Variants in CSMD1 observed in about 807,000 individuals in gnomAD.
CSMD1 encodes CUB and sushi domain-containing protein 1.
In CSMD1, 213 loss-of-function variants were observed where a neutral mutation model predicts 417.5. That is an observed-to-expected ratio of 0.51 (90% CI 0.46 to 0.57). CSMD1 has a LOEUF of 0.57. CSMD1 is among the 20% of genes least tolerant of loss of function. The probability of loss-of-function intolerance (pLI) is 0.00; values close to 1 mark genes in which losing one functional copy is unlikely to be tolerated. For synonymous variants in CSMD1, 2,862 were observed against 1,736.8 expected (o/e 1.65, Z -16.11); for missense variants, 6,923 against 4,529.7 (o/e 1.53, Z -15.17).
chr8:3,239,158 G>C (rs539981913), intron 26 of CSMD1, among the ~76,000 whole-genome samples: 50 of 152,264 alleles, frequency 3.3e-4, no homozygotes, highest in African/African-American at 1.2e-3. Context: ...GCTGAGCTTG[G>C]TAAGGTTTTA....
intron 3 of CSMD1, among the ~76,000 whole-genome samples, chr8:4,275,282 G>T (rs925702943): frequency 2.0e-5 from 3 of 152,022 alleles, no homozygotes; most frequent in Non-Finnish European, 4.4e-5. Context: ...TCTCTTTTAT[G>T]TTTTATTAAG....
At chr8:4,299,970 T>TA (rs1797892399) in intron 3 of CSMD1, among the ~76,000 whole-genome samples, 2 of 152,286 alleles carry the variant, frequency 1.3e-5, no homozygotes, top group Non-Finnish European at 1.5e-5. Flanking sequence ...TTGTTGATAA[T>TA]AGCTATTAGA....
At chr8:4,427,169 G>A (rs1259738361) in intron 2 of CSMD1, among the ~76,000 whole-genome samples, 2 of 152,084 alleles carry the variant, frequency 1.3e-5, no homozygotes, top group African/African-American at 2.4e-5. Flanking sequence ...CTACACAATG[G>A]GTAAGTCCAG....
chr8:4,229,180 C>G (rs897226609), intron 3 of CSMD1, among the ~76,000 whole-genome samples: 1 of 152,206 alleles, frequency 6.6e-6, no homozygotes, highest in Non-Finnish European at 1.5e-5. Context: ...CCGGAGTCAA[C>G]TTGTATTCCT....
At chr8:3,990,947 G>C (rs974609742) in intron 5 of CSMD1, among the ~76,000 whole-genome samples, 3 of 152,288 alleles carry the variant, frequency 2.0e-5, no homozygotes, top group African/African-American at 4.8e-5. Flanking sequence ...ATCATCTCTA[G>C]ATGATGCTTT....
At chr8:3,758,342 A>G (rs1427207297) in intron 5 of CSMD1, among the ~76,000 whole-genome samples, 1 of 152,230 alleles carries the variant, frequency 6.6e-6, no homozygotes, top group South Asian at 2.1e-4. Context: ...TGAAGAAGCC[A>G]TTCAAATGAA....
intron 1 of CSMD1, among the ~76,000 whole-genome samples, chr8:4,936,840 A>G (rs1279257586): frequency 1.3e-5 from 2 of 152,222 alleles, no homozygotes; most frequent in Non-Finnish European, 2.9e-5. Flanking sequence ...AAATAAAAAT[A>G]ATACATAAAA....
At chr8:3,706,533 T>G (rs201834076) in intron 7 of CSMD1, among the ~76,000 whole-genome samples, 3 of 152,186 alleles carry the variant, frequency 2.0e-5, no homozygotes, top group South Asian at 2.1e-4. Context: ...AGAACGCTAA[T>G]ACCAAATGAG....
intron 7 of CSMD1, among the ~76,000 whole-genome samples, chr8:3,625,533 G>A (rs1024700992): frequency 1.3e-5 from 2 of 151,800 alleles, no homozygotes; most frequent in Non-Finnish European, 2.9e-5. Context: ...CATGTTCTCT[G>A]GTCTCTAACT....
At chr8:4,227,980 C>T (rs946887700) in intron 3 of CSMD1, among the ~76,000 whole-genome samples, 17 of 151,910 alleles carry the variant, frequency 1.1e-4, no homozygotes, top group African/African-American at 3.1e-4. Flanking sequence ...GAGACACGCC[C>T]TCCATCCTAC....
At chr8:4,534,622 T>G (rs546023068) in intron 2 of CSMD1, among the ~76,000 whole-genome samples, 2 of 152,264 alleles carry the variant, frequency 1.3e-5, no homozygotes, top group Non-Finnish European at 2.9e-5. Flanking sequence ...AAATGTCTAA[T>G]TTTCCCATTT....
chr8:4,437,664 G>C (rs111366517), intron 2 of CSMD1, among the ~76,000 whole-genome samples: 2 of 152,186 alleles, frequency 1.3e-5, no homozygotes, highest in African/African-American at 2.4e-5. Context: ...AGTTCGTAGA[G>C]TTTAACCTAA....
chr8:3,939,820 G>C (rs143781676), intron 5 of CSMD1, among the ~76,000 whole-genome samples: 1 of 152,098 alleles, frequency 6.6e-6, no homozygotes, highest in Non-Finnish European at 1.5e-5. Context: ...TTATGAGGAT[G>C]CGAAGGCATA....
In CSMD1 at chr8:4,255,189, G is replaced by A. The variant is rs1318888708; in HGVS notation, c.415+164764C>T. Among the ~76,000 whole-genome samples the A allele has an allele frequency of 2.0e-5, 3 of 152,184 alleles. 1 individual carries two copies. Among genetic ancestry groups the A allele is most frequent in the Non-Finnish European group, 4.4e-5 (3 of 68,032 alleles). On this transcript the variant is annotated intron_variant, in intron 3 of 69. Coordinates refer to ENST00000635120, the MANE Select transcript of CSMD1 (RefSeq NM_033225.6). ...TATCCCATGCTGGAAAGAGCATGATGGGTGCCAACTAATTTTTATAAGCAG... is the reference window on the plus strand; with the variant it reads ...TATCCCATGCTGGAAAGAGCATGATAGGTGCCAACTAATTTTTATAAGCAG...
Position 4,678,340 on chromosome 8 carries a change from G to C in CSMD1, c.86-40782C>G, listed in dbSNP as rs191065561. 6.9e-3 allele frequency among the ~76,000 whole-genome samples: 1,048 copies of C among 152,254 alleles called. 12 individuals are homozygous for C. Among genetic ancestry groups the C allele is most frequent in the Middle Eastern group, 0.027 (8 of 294 alleles). ...GCATGAGAATAACCTGAACCCAAGA[G>C]GTGGAGGTTGCAGTGAGCCAAGATC... On this transcript the variant is annotated intron_variant, in intron 1 of 69. Transcript: ENST00000635120.
intron 37 of CSMD1, among the ~76,000 whole-genome samples, chr8:3,165,047 C>G (rs1044151950): frequency 6.6e-6 from 1 of 151,648 alleles, no homozygotes; most frequent in African/African-American, 2.4e-5. Flanking sequence ...AATAAAAACA[C>G]ACAAAAATAC....
chr8:3,713,203 G>C (rs1048657896), intron 6 of CSMD1, among the ~76,000 whole-genome samples: 1 of 152,104 alleles, frequency 6.6e-6, no homozygotes, highest in African/African-American at 2.4e-5. Context: ...TAATTTTGTT[G>C]TGTCATTTAC....
At chr8:4,238,333 G>C (rs1311684193) in intron 3 of CSMD1, among the ~76,000 whole-genome samples, 1 of 152,198 alleles carries the variant, frequency 6.6e-6, no homozygotes, top group Non-Finnish European at 1.5e-5. Context: ...ATGTGCGCGA[G>C]GGTGGTCCTC....
At chr8:4,584,920 G>A (rs563206210) in intron 2 of CSMD1, among the ~76,000 whole-genome samples, 1 of 152,034 alleles carries the variant, frequency 6.6e-6, no homozygotes, top group Non-Finnish European at 1.5e-5. Context: ...ATTTAGACTG[G>A]ATTAAGGAGA....
Sources: allele counts gnomAD v4.1 joint callset (sites outside exome capture counted in the v4.1 genomes callset), GRCh38; gene constraint gnomAD v4.1.1; transcripts MANE v1.5; gene names NCBI Gene and HGNC (gene_info 2026-07-23, HGNC 2026-07-21).